Variants in EPC2 observed in about 807,000 individuals in gnomAD.
The protein encoded by EPC2 is enhancer of polycomb 2, also known as enhancer of polycomb homolog 2.
In EPC2, 14 loss-of-function variants were observed where a neutral mutation model predicts 92.1. The observed-to-expected ratio is 0.15, with a 90% CI of 0.10 to 0.24. EPC2 has a LOEUF of 0.24. EPC2 is among the 10% of genes least tolerant of loss of function. The pLI, the probability that EPC2 is intolerant of heterozygous loss-of-function variation, is 1.00. For missense variants in EPC2, 755 were observed against 971.5 expected (o/e 0.78, Z 2.96); for synonymous variants, 340 against 334.7 (o/e 1.02, Z -0.17).
intron 13 of EPC2, among the ~76,000 whole-genome samples, chr2:148,785,892 G>A (rs73005696): frequency 0.017 from 2,607 of 151,990 alleles, 72 homozygotes; most frequent in African/African-American, 0.059. Flanking sequence ...ATGATCTTAA[G>A]CCTATAGAAT....
intron 10 of EPC2, 109 bp downstream of exon 10, chr2:148,771,496 C>G: frequency 2.9e-6 from 3 of 1,024,504 alleles, no homozygotes; most frequent in Non-Finnish European, 4.3e-6. Flanking sequence ...ACCTAAGAAA[C>G]AAAATTGTTC....
chr2:148,769,093 AC>A, intron 7 of EPC2, 57 bp from the exon 8 acceptor site: 1 of 1,105,838 alleles, frequency 9.0e-7, no homozygotes, highest in South Asian at 1.3e-5. Flanking sequence ...TTAGAGTATT[AC>A]AAACATTGAT....
Position 148,658,607 on chromosome 2 carries a change from G to GTATATATATATA in EPC2, c.153+13451_153+13462dup, listed in dbSNP as rs3076616. 1.7e-3 allele frequency among the ~76,000 whole-genome samples: 237 copies of GTATATATATATA among 141,252 alleles called. 1 individual carries two copies. The highest frequency in any genetic ancestry group is 0.012 in the East Asian group (53 of 4,568). 92.7% of individuals were successfully genotyped at this position (141,252 alleles called of 152,430 possible). A position where few individuals can be genotyped will look rare whatever the true frequency, so the allele number is the denominator to read the frequency against. On this transcript the variant is annotated intron_variant, in intron 1 of 13. Coordinates refer to ENST00000258484, the MANE Select transcript of EPC2 (RefSeq NM_015630.4). Reference sequence around the variant, plus strand: ...ATGAAGATTAGCTGTGTGTGTGTGTGTATATATATATATATATATATATAT... The same window carrying GTATATATATATA: ...ATGAAGATTAGCTGTGTGTGTGTGTGTATATATATATATATATATATATATATATATATATAT...
At chr2:148,674,500 G>A (rs1428997942) in intron 1 of EPC2, among the ~76,000 whole-genome samples, 1 of 152,132 alleles carries the variant, frequency 6.6e-6, no homozygotes, top group Non-Finnish European at 1.5e-5. Flanking sequence ...ACCAAGTTGT[G>A]CTGTTTTCTA....
Position 148,781,728 on chromosome 2 carries a change from A to G in EPC2, c.1805A>G (p.Gln602Arg). The change falls in exon 11 of 14, where the codon CAG becomes CGG. Residue 602 changes from glutamine to arginine, a missense_variant. Transcript: ENST00000258484. ...CAAAGGCAGCAACTTGCCCAGCTTC[A>G]GCAGAAACAGCAATCTCAGCATTCC... ...QMQRQQLAQL[Q>R]QKQQSQHSSQ... The G allele has an allele frequency of 1.9e-6, 3 of 1,614,036 alleles. No individual in the cohort carries two copies. Among genetic ancestry groups the G allele is most frequent in the Non-Finnish European group, 2.5e-6 (3 of 1,179,886 alleles).
intron 11 of EPC2, 45 bp downstream of exon 11, chr2:148,781,825 T>C (rs1269251275): frequency 4.4e-6 from 7 of 1,605,106 alleles, no homozygotes; most frequent in Middle Eastern, 3.3e-4. Flanking sequence ...TCTTTCATCA[T>C]TATGTAGTTT....
Position 148,690,373 on chromosome 2 carries a change from C to G in EPC2, c.313C>G (p.Pro105Ala). Residue 105 changes from proline (P) to alanine (A), a missense_variant and splice_region_variant, in exon 2 of 14, where the codon CCT (proline) becomes GCT (alanine). Coordinates refer to ENST00000258484, the MANE Select transcript of EPC2 (RefSeq NM_015630.4). ...GCCAAAACAGTTCATTCATATTCAG[C>G]GTAAGTTTGTTAATTCATTGTTTTC... ...KQPKQFIHIQ[P>A]FNLDNEQPDY... is the part of the protein sequence containing the mutation. The G allele has an allele frequency of 2.5e-6, 4 of 1,570,448 alleles. No individual in the cohort carries two copies. The highest frequency in any genetic ancestry group is 3.4e-6 in the Non-Finnish European group (4 of 1,162,286).
intron 1 of EPC2, among the ~76,000 whole-genome samples, chr2:148,658,165 T>C (rs994258352): frequency 1.3e-5 from 2 of 152,154 alleles, no homozygotes; most frequent in Non-Finnish European, 2.9e-5. Flanking sequence ...TAAAATACAT[T>C]GTTGATTCAT....
At chr2:148,675,702 G>GT (rs1470224864) in intron 1 of EPC2, among the ~76,000 whole-genome samples, 2 of 152,068 alleles carry the variant, frequency 1.3e-5, no homozygotes, top group Non-Finnish European at 2.9e-5. Context: ...TTCAATTTTA[G>GT]TTTCCCAGAA....
chr2:148,661,139 T>G (rs1278064622), intron 1 of EPC2, among the ~76,000 whole-genome samples: 1 of 152,154 alleles, frequency 6.6e-6, no homozygotes, highest in Non-Finnish European at 1.5e-5. Context: ...ACCATACATT[T>G]ATAAATTAGC....
intron 1 of EPC2, among the ~76,000 whole-genome samples, chr2:148,645,754 G>T (rs999036317): frequency 6.6e-6 from 1 of 152,010 alleles, no homozygotes; most frequent in African/African-American, 2.4e-5. Context: ...CGAGCGGGTC[G>T]TAGCGTCCGA....
In EPC2 at chr2:148,695,931, G is replaced by A. The variant is rs994779601; in HGVS notation, c.313+5558G>A. Among the ~76,000 whole-genome samples the A allele has an allele frequency of 4.4e-4, 67 of 152,332 alleles. 1 individual carries two copies. The highest frequency in any genetic ancestry group is 1.4e-3 in the African/African-American group (60 of 41,572). ...AGGTGAAGCTGGATCTCAATTTCAGGTGATTAGAAGGGACAGGGAATAAGG... is the reference window on the plus strand; with the variant it reads ...AGGTGAAGCTGGATCTCAATTTCAGATGATTAGAAGGGACAGGGAATAAGG... On this transcript the variant is annotated intron_variant, in intron 2 of 13. Transcript: ENST00000258484.
At chr2:148,774,624 T>TATTATATATATGTATATATA (rs935978031) in intron 10 of EPC2, among the ~76,000 whole-genome samples, 1 of 132,574 alleles carries the variant, frequency 7.5e-6, no homozygotes, top group Admixed American at 8.0e-5. Flanking sequence ...AAAATATATT[T>TATTATATATATGTATATATA]TATATATATA....
At chr2:148,702,599 C>A (rs926198754) in intron 2 of EPC2, among the ~76,000 whole-genome samples, 1 of 152,168 alleles carries the variant, frequency 6.6e-6, no homozygotes, top group Non-Finnish European at 1.5e-5. Flanking sequence ...TTTAACCAGC[C>A]TAGTCTCCTG....
intron 1 of EPC2, among the ~76,000 whole-genome samples, chr2:148,659,979 T>A (rs1350428219): frequency 2.0e-5 from 3 of 152,124 alleles, no homozygotes; most frequent in Non-Finnish European, 4.4e-5. Flanking sequence ...TATATTCTGT[T>A]TTTGGAAATA....
intron 1 of EPC2, among the ~76,000 whole-genome samples, chr2:148,672,502 G>A (rs556165892): frequency 6.6e-5 from 10 of 152,078 alleles, no homozygotes; most frequent in Admixed American, 5.9e-4. Context: ...TTTCTTGAAG[G>A]TATTTGTGGT....
In EPC2 at chr2:148,783,691, G is replaced by A. The variant is rs752235349; in HGVS notation, c.1952G>A (p.Arg651His). The change falls in exon 12 of 14, where the codon CGC (arginine) becomes CAC (histidine). Residue 651 changes from arginine to histidine, a missense_variant. By Grantham distance (29) the Arg-to-His change is conservative. This residue lies in a region of EPC2 where 207 missense variants were observed against 260.5 expected (regional missense o/e 0.79). Coordinates refer to ENST00000258484, the MANE Select transcript of EPC2 (RefSeq NM_015630.4). ...SAVVSAPVPS[R>H]SEVAKEQNTG... ...GTGGTCAGTGCACCTGTTCCAAGTC[G>A]CAGTGAGGTAGCCAAGGAACAGAAC... 1.3e-5 allele frequency: 21 copies of A among 1,595,914 alleles called. No individual in the cohort carries two copies. The highest frequency in any genetic ancestry group is 4.5e-5 in the East Asian group (2 of 44,422).
At chr2:148,687,282 G>A (rs1681547161) in intron 1 of EPC2, among the ~76,000 whole-genome samples, 1 of 152,130 alleles carries the variant, frequency 6.6e-6, no homozygotes, top group South Asian at 2.1e-4. Context: ...CCTGGATTAG[G>A]CTTTGGCTTA....
chr2:148,708,164 C>G (rs564463368), intron 2 of EPC2, among the ~76,000 whole-genome samples: 1 of 152,276 alleles, frequency 6.6e-6, no homozygotes, highest in African/African-American at 2.4e-5. Context: ...AAAGGGATAT[C>G]ACCACCTGCC....
Sources: gnomAD v4.1 joint callset for allele counts (sites outside exome capture counted in the v4.1 genomes callset) on GRCh38, gnomAD v4.1.1 for gene constraint, gnomAD v4.1.1 regional missense constraint, MANE v1.5 for transcripts, NCBI Gene and HGNC (gene_info 2026-07-23, HGNC 2026-07-21) for gene names.